LRRC4C: variants seen among roughly 807,000 people sequenced by gnomAD.
LRRC4C encodes leucine rich repeat containing 4C.
Under a neutral mutation model 33.6 loss-of-function variants are expected in LRRC4C, and 5 were observed. That is an observed-to-expected ratio of 0.15 (90% CI 0.08 to 0.31). The LOEUF (loss-of-function observed/expected upper bound fraction) is 0.31, where lower values mean the gene tolerates loss of function less well. LRRC4C is among the 10% of genes least tolerant of loss of function. The pLI is 1.00. For synonymous variants in LRRC4C, 329 were observed against 302.0 expected, an observed-to-expected ratio of 1.09 and a Z score of -0.93; for missense variants, 560 against 796.7, an observed-to-expected ratio of 0.70 and a Z score of 3.58.
chr11:40,336,453 A>T (rs895974716), intron 3 of LRRC4C, among the ~76,000 whole-genome samples: 1 of 152,182 alleles, frequency 6.6e-6, no homozygotes, highest in Non-Finnish European at 1.5e-5. Flanking sequence ...TACAGAAGTC[A>T]GTCTTTATTC....
chr11:40,946,850 T>C (rs559613850), intron 1 of LRRC4C, among the ~76,000 whole-genome samples: 10 of 152,252 alleles, frequency 6.6e-5, no homozygotes, highest in East Asian at 1.9e-4. Context: ...TACTCCAAGA[T>C]TGACCACACG....
Position 40,366,722 on chromosome 11 carries a change from G to A in LRRC4C, c.-269-47001C>T, listed in dbSNP as rs547858991. Among the ~76,000 whole-genome samples the A allele has an allele frequency of 3.2e-4, 48 of 152,084 alleles. 1 individual carries two copies. In the South Asian group the frequency reaches 9.5e-3, roughly 30 times the overall value. ...ATTTTTGAGTAAGGCATTTTCATGA[G>A]GAGAGGGTAAAGGAAGACAGACACA... On this transcript the variant is annotated intron_variant, in intron 3 of 6. Transcript: ENST00000528697.
chr11:40,805,102 C>G (rs1951188538), intron 2 of LRRC4C, among the ~76,000 whole-genome samples: 1 of 152,154 alleles, frequency 6.6e-6, no homozygotes, highest in Admixed American at 6.5e-5. Context: ...AACAATGAAG[C>G]CTGAGCCTAA....
At chr11:41,410,661 C>T (rs993106075) in intron 1 of LRRC4C, among the ~76,000 whole-genome samples, 4 of 151,910 alleles carry the variant, frequency 2.6e-5, no homozygotes, top group African/African-American at 7.3e-5. Flanking sequence ...AGGATGGTCT[C>T]CATCTCCTGA....
intron 1 of LRRC4C, among the ~76,000 whole-genome samples, chr11:41,008,524 T>C (rs1311379030): frequency 1.3e-5 from 2 of 152,192 alleles, no homozygotes; most frequent in Non-Finnish European, 2.9e-5. Flanking sequence ...CTCACACTTG[T>C]ATTCTGCAGA....
At position 41,324,009 on chromosome 11, in the gene LRRC4C, A is replaced by T. The variant is rs555049538; in HGVS notation, c.-496+135422T>A. On this transcript the variant is annotated intron_variant, in intron 1 of 6. Transcript: ENST00000528697. ...TTGAATATTAAAATATTGTTTTTTA[A>T]ACTGTGATCTGTGGACCACCTTTAC... Among the ~76,000 whole-genome samples the T allele has an allele frequency of 4.6e-5, 7 of 152,332 alleles. No individual in the cohort carries two copies. The South Asian group carries it at 1.2e-3, about 27-fold the overall frequency.
chr11:41,084,824 G>A (rs1004999159), intron 1 of LRRC4C, among the ~76,000 whole-genome samples: 3 of 152,112 alleles, frequency 2.0e-5, no homozygotes, highest in Admixed American at 6.6e-5. Context: ...ACTCCAGCCC[G>A]GGTGAAAGAG....
intron 3 of LRRC4C, among the ~76,000 whole-genome samples, chr11:40,491,635 G>C (rs1590901319): frequency 6.6e-6 from 1 of 152,100 alleles, no homozygotes; most frequent in Non-Finnish European, 1.5e-5. Flanking sequence ...ATTCTTCAAG[G>C]ATAATGAGTG....
chr11:41,109,150 C>T (rs1481817927), intron 1 of LRRC4C, among the ~76,000 whole-genome samples: 1 of 151,996 alleles, frequency 6.6e-6, no homozygotes, highest in African/African-American at 2.4e-5. Context: ...TTATCCCTTT[C>T]CAATCCCAGA....
chr11:40,632,931 G>T (rs113825128), intron 3 of LRRC4C, among the ~76,000 whole-genome samples: 2 of 152,204 alleles, frequency 1.3e-5, no homozygotes, highest in Non-Finnish European at 2.9e-5. Context: ...ACAGACTTTA[G>T]AATGGGAATT....
At chr11:41,333,484 C>A (rs983608982) in intron 1 of LRRC4C, among the ~76,000 whole-genome samples, 1 of 152,106 alleles carries the variant, frequency 6.6e-6, no homozygotes, top group African/African-American at 2.4e-5. Flanking sequence ...CAAGACCAGA[C>A]ATTCATTTAT....
chr11:40,615,449 A>C (rs2135916514), intron 3 of LRRC4C, among the ~76,000 whole-genome samples: 1 of 151,512 alleles, frequency 6.6e-6, no homozygotes, highest in Admixed American at 6.6e-5. Flanking sequence ...ATATTTGGTC[A>C]GAAATGTGTC....
intron 1 of LRRC4C, among the ~76,000 whole-genome samples, chr11:41,038,765 C>A (rs977871378): frequency 2.6e-5 from 4 of 152,106 alleles, no homozygotes; most frequent in African/African-American, 4.8e-5. Flanking sequence ...ATGAAAAAAT[C>A]TCATCCCCCT....
chr11:41,307,791 C>T (rs999607160), intron 1 of LRRC4C, among the ~76,000 whole-genome samples: 1 of 152,108 alleles, frequency 6.6e-6, no homozygotes, highest in Non-Finnish European at 1.5e-5. Context: ...TCCCTTCTTC[C>T]CTTTATTTAA....
chr11:40,578,170 T>TTTTTTTTTTTTTTA (rs1958301926), intron 3 of LRRC4C, among the ~76,000 whole-genome samples: 4 of 118,894 alleles, frequency 3.4e-5, no homozygotes, highest in Admixed American at 9.5e-5. Context: ...TTTTTTTTTT[T>TTTTTTTTTTTTTTA]GCCTCTTAAC....
chr11:41,274,908 G>A (rs1387993921), intron 1 of LRRC4C, among the ~76,000 whole-genome samples: 1 of 152,140 alleles, frequency 6.6e-6, no homozygotes, highest in Admixed American at 6.5e-5. Context: ...TAAATCTCAT[G>A]TGGAAATGTG....
chr11:40,887,197 G>C (rs1051355196), intron 2 of LRRC4C, among the ~76,000 whole-genome samples: 1 of 100,230 alleles, frequency 1.0e-5, no homozygotes, highest in African/African-American at 3.4e-5. Context: ...AAGTCTTCCA[G>C]CTAATACACA....
intron 2 of LRRC4C, among the ~76,000 whole-genome samples, chr11:40,790,534 C>T (rs1366863158): frequency 1.3e-5 from 2 of 152,184 alleles, no homozygotes; most frequent in Non-Finnish European, 2.9e-5. Context: ...AAGGTGAGCA[C>T]GCGGTCCAAA....
intron 2 of LRRC4C, among the ~76,000 whole-genome samples, chr11:40,761,983 C>T (rs1402545285): frequency 6.6e-6 from 1 of 152,030 alleles, no homozygotes; most frequent in Non-Finnish European, 1.5e-5. Context: ...CTGTAGGTTA[C>T]CAATAAGGTA....
Sources: allele counts gnomAD v4.1 joint callset (sites outside exome capture counted in the v4.1 genomes callset), GRCh38; gene constraint gnomAD v4.1.1; transcripts MANE v1.5; gene names NCBI Gene and HGNC (gene_info 2026-07-23, HGNC 2026-07-21).